Variants in RAB17 observed in about 807,000 individuals in gnomAD.
The protein encoded by RAB17 is RAB17, member RAS oncogene family.
In RAB17, 15 loss-of-function variants were observed where a neutral mutation model predicts 19.3. That is an observed-to-expected ratio of 0.78 (90% confidence interval 0.52 to 1.20). RAB17 has a LOEUF of 1.20. RAB17 is among the 50% of genes most tolerant of loss of function. RAB17 has a pLI of 0.00. For missense variants in RAB17, 262 were observed against 269.3 expected, an observed-to-expected ratio of 0.97 and a Z score of 0.19; for synonymous variants, 110 against 112.8, an observed-to-expected ratio of 0.97 and a Z score of 0.16.
intron 1 of RAB17, among the ~76,000 whole-genome samples, chr2:237,588,948 C>T (rs910455593): frequency 6.6e-6 from 1 of 152,138 alleles, no homozygotes; most frequent in Non-Finnish European, 1.5e-5. Context: ...TTGGGCTGGG[C>T]GCAGTGGCTC....
At chr2:237,582,074 G>A (rs1001604993) in intron 2 of RAB17, among the ~76,000 whole-genome samples, 4 of 152,250 alleles carry the variant, frequency 2.6e-5, no homozygotes, top group Non-Finnish European at 4.4e-5. Flanking sequence ...GGGAGGCTGC[G>A]CTCACTTGGA....
At chr2:237,575,696 C>CG in intron 4 of RAB17, 1 of 525,404 alleles carries the variant, frequency 1.9e-6, no homozygotes, top group South Asian at 2.7e-5. Context: ...CTCTAGCTGG[C>CG]GGGGTGCGGC....
At position 237,586,134 on chromosome 2, in the gene RAB17, G is replaced by A. The variant is rs1259801444; in HGVS notation, c.21C>T (p.Thr7=). 6.2e-7 allele frequency: 1 copy of A among 1,604,306 alleles called. No homozygotes were observed. The highest frequency in any genetic ancestry group is 2.2e-5 in the East Asian group (1 of 44,474). Residue 7 remains threonine (T), a synonymous_variant, in exon 2 of 6, where the codon ACC becomes ACT. Coordinates refer to ENST00000264601, the MANE Select transcript of RAB17 (RefSeq NM_022449.4). The part of the protein sequence containing the change: MAQAHR[T]PQPRAAPSQP... ...GGCTGGGGGCAGCCCTGGGCTGGGGGGTCCTGTGTGCCTGTGCCATGCCCT... is the reference window on the plus strand; with the variant it reads ...GGCTGGGGGCAGCCCTGGGCTGGGGAGTCCTGTGTGCCTGTGCCATGCCCT...
chr2:237,586,616 G>T (rs971851109), intron 1 of RAB17, among the ~76,000 whole-genome samples: 2 of 152,150 alleles, frequency 1.3e-5, no homozygotes, highest in African/African-American at 2.4e-5. Context: ...CCTAAAAAAA[G>T]GTTGGTGTCT....
At chr2:237,580,843 G>A (rs1173077406) in intron 2 of RAB17, among the ~76,000 whole-genome samples, 1 of 152,140 alleles carries the variant, frequency 6.6e-6, no homozygotes, top group African/African-American at 2.4e-5. Flanking sequence ...GAGGGCATGG[G>A]TTTTAGTCCA....
intron 4 of RAB17, chr2:237,576,832 G>A: frequency 2.4e-6 from 1 of 423,296 alleles, no homozygotes; most frequent in Non-Finnish European, 4.9e-6. Flanking sequence ...TCTGGGAACA[G>A]AGTAGGGAAG....
At position 237,575,009 on chromosome 2, in the gene RAB17, G is replaced by A. The variant is rs758182252; in HGVS notation, c.*10C>T. The A allele has an allele frequency of 8.8e-6, 14 of 1,593,460 alleles. No homozygotes were observed. The East Asian group carries it at 3.1e-4, about 36-fold the overall frequency. On this transcript the variant is annotated 3_prime_UTR_variant, in exon 6 of 6. Coordinates refer to ENST00000264601, the MANE Select transcript of RAB17 (RefSeq NM_022449.4). ...GGTGTCTTCCCCACAGCCCCCAGGA[G>A]TGGCTGCACCTAGTGGGCGCAGCAT...
In RAB17 at chr2:237,574,460, T is replaced by C. The variant is rs999981798; in HGVS notation, c.*559A>G. On this transcript the variant is annotated 3_prime_UTR_variant, in exon 6 of 6. Transcript: ENST00000264601. ...CACCACATTGCCAGCCGGGAGACCA[T>C]GGAAGGGAACTGGCGCCACTGCCCC... The C allele has an allele frequency of 2.0e-5, 31 of 1,550,568 alleles. No homozygotes were observed. In the African/African-American group the frequency reaches 3.3e-4, roughly 16 times the overall value.
At chr2:237,582,842 G>T (rs1395753833) in intron 2 of RAB17, among the ~76,000 whole-genome samples, 1 of 152,212 alleles carries the variant, frequency 6.6e-6, no homozygotes, top group South Asian at 2.1e-4. Context: ...TTATAATGAG[G>T]ATTAATAATT....
chr2:237,587,904 G>A (rs1464680927), intron 1 of RAB17, among the ~76,000 whole-genome samples: 1 of 152,018 alleles, frequency 6.6e-6, no homozygotes, highest in Non-Finnish European at 1.5e-5. Flanking sequence ...TCAGTATGCA[G>A]CCAAGACTAG....
intron 2 of RAB17, among the ~76,000 whole-genome samples, chr2:237,583,517 G>A (rs549011722): frequency 4.9e-4 from 75 of 152,296 alleles, no homozygotes; most frequent in Non-Finnish European, 6.9e-4. Context: ...TTCTAACCCC[G>A]CAACCCGGCA....
intron 2 of RAB17, among the ~76,000 whole-genome samples, chr2:237,582,290 C>T (rs1358744158): frequency 1.3e-5 from 2 of 152,248 alleles, no homozygotes; most frequent in African/African-American, 2.4e-5. Context: ...ACCCCACACA[C>T]CTGTCGACTG....
chr2:237,580,283 T>C (rs2081298332), intron 2 of RAB17, among the ~76,000 whole-genome samples: 1 of 152,248 alleles, frequency 6.6e-6, no homozygotes, highest in Non-Finnish European at 1.5e-5. Flanking sequence ...CGTGGGCCTT[T>C]TATCCACATC....
At chr2:237,585,759 C>G (rs916396914) in intron 2 of RAB17, among the ~76,000 whole-genome samples, 2 of 152,196 alleles carry the variant, frequency 1.3e-5, no homozygotes, top group East Asian at 1.9e-4. Flanking sequence ...ATCTCCACCC[C>G]CTGCAGACTC....
chr2:237,586,115 G>A lies in RAB17; in HGVS notation c.40C>T (p.Pro14Ser), dbSNP rs778243395. The change falls in exon 2 of 6, where the codon CCC (proline) becomes TCC (serine). Residue 14 changes from proline to serine, a missense_variant. By Grantham distance (74) the Pro-to-Ser change is moderately conservative (BLOSUM62 -1). Transcript: ENST00000264601. ...AGCTTGAACACACGGGGCTGGCTGG[G>A]GGCAGCCCTGGGCTGGGGGGTCCTG... Reference protein sequence around the residue: ...AHRTPQPRAAPSQPRVFKLVL... With the variant: ...AHRTPQPRAASSQPRVFKLVL... The A allele has an allele frequency of 1.9e-5, 30 of 1,610,696 alleles. No individual in the cohort carries two copies. The highest frequency in any genetic ancestry group is 3.4e-5 in the Admixed American group (2 of 59,494).
Position 237,586,097 on chromosome 2 carries a change from A to G in RAB17, c.58T>C (p.Phe20Leu), listed in dbSNP as rs1442033001. The G allele has an allele frequency of 1.9e-6, 3 of 1,613,268 alleles. No individual in the cohort carries two copies. The highest frequency in any genetic ancestry group is 3.3e-5 in the Admixed American group (2 of 59,926). ...CCACTTCCCAGGAGAACCAGCTTGA[A>G]CACACGGGGCTGGCTGGGGGCAGCC... is the stretch of plus-strand genomic sequence containing the variant. ...PRAAPSQPRV[F>L]KLVLLGSGSV... The change falls in exon 2 of 6, where the codon TTC becomes CTC. Residue 20 changes from phenylalanine (F) to leucine (L), a missense_variant. Phe to Leu is a conservative substitution (Grantham distance 22, BLOSUM62 0). Coordinates refer to ENST00000264601, the MANE Select transcript of RAB17 (RefSeq NM_022449.4).
chr2:237,580,369 A>G (rs1012545663), intron 2 of RAB17, among the ~76,000 whole-genome samples: 1 of 152,206 alleles, frequency 6.6e-6, no homozygotes, highest in African/African-American at 2.4e-5. Flanking sequence ...CGCAGGGTGA[A>G]ACGTGAGCAT....
intron 2 of RAB17, among the ~76,000 whole-genome samples, chr2:237,581,373 TA>T (rs78563937): frequency 0.083 from 11,597 of 140,474 alleles, 487 homozygotes; most frequent in South Asian, 0.12. Context: ...GACGCCATCT[TA>T]AAAAAAAAAA....
At chr2:237,575,261 C>G (rs1215250103) in intron 5 of RAB17, 126 bp downstream of exon 5, 2 of 1,021,880 alleles carry the variant, frequency 2.0e-6, no homozygotes, top group East Asian at 5.1e-5. Context: ...CCTCCTGCCC[C>G]TCCTGGTCAC....
Sources: gnomAD v4.1 joint callset for allele counts (sites outside exome capture counted in the v4.1 genomes callset) on GRCh38, gnomAD v4.1.1 for gene constraint, MANE v1.5 for transcripts, NCBI Gene and HGNC (gene_info 2026-07-23, HGNC 2026-07-21) for gene names.